Variants in EIF2S3 observed in about 807,000 individuals in gnomAD.
EIF2S3 encodes the protein eukaryotic translation initiation factor 2 subunit gamma, also known as eukaryotic translation initiation factor 2 subunit 3.
EIF2S3 carries 2 observed loss-of-function variants against 31.7 expected under a neutral mutation model. The ratio of observed to expected loss-of-function variants is 0.06; its 90% confidence interval spans 0.03 to 0.20. The LOEUF (loss-of-function observed/expected upper bound fraction) is 0.20, where lower values mean the gene tolerates loss of function less well. Among genes scored for constraint, EIF2S3 ranks in the 10% least tolerant of loss-of-function variants. The pLI is 1.00. For missense variants in EIF2S3, 96 were observed against 359.3 expected, an observed-to-expected ratio of 0.27 and a Z score of 5.92; for synonymous variants, 120 against 126.7, an observed-to-expected ratio of 0.95 and a Z score of 0.36.
intron 4 of EIF2S3, 125 bp downstream of exon 4, chrX:24,057,879 G>T: frequency 1.2e-6 from 1 of 824,461 alleles, no homozygotes; most frequent in Non-Finnish European, 1.6e-6. Context: ...TTTTTCCATT[G>T]TTTATGTTTT....
chrX:24,071,872 G>GTTTT, intron 10 of EIF2S3, 145 bp downstream of exon 10: 2 of 523,672 alleles, frequency 3.8e-6, no homozygotes, highest in East Asian at 4.7e-5. Flanking sequence ...AAAATTGAGG[G>GTTTT]TTTTTTTTTT....
rs1430095823 is a variant in EIF2S3, at chrX:24,071,714, A to G, written c.1169A>G (p.Lys390Arg). The G allele has an allele frequency of 1.7e-6, 2 of 1,208,008 alleles. No individual in the cohort carries two copies. Among genetic ancestry groups the G allele is most frequent in the African/African-American group, 3.5e-5 (2 of 56,927 alleles). ...RLLGVRTEGDKKAAKVQKLSK... is the reference protein window; with the variant it reads ...RLLGVRTEGDRKAAKVQKLSK... Reference sequence around the variant, plus strand: ...CTAGGTGTACGCACTGAAGGAGACAAGAAAGCAGCAAAGGTAAATGCTTTT... The same window carrying G: ...CTAGGTGTACGCACTGAAGGAGACAGGAAAGCAGCAAAGGTAAATGCTTTT... The change falls in exon 10 of 12, where the codon AAG (lysine) becomes AGG (arginine). Residue 390 changes from lysine (K) to arginine (R), a missense_variant. Around this residue, in one of 5 missense-constraint regions of EIF2S3, gnomAD observed 10 missense variants for 118.9 expected, o/e 0.08. Coordinates refer to ENST00000253039, the MANE Select transcript of EIF2S3 (RefSeq NM_001415.4).
intron 9 of EIF2S3, among the ~76,000 whole-genome samples, chrX:24,071,075 T>C (rs1390387050): frequency 8.9e-6 from 1 of 111,891 alleles, no homozygotes; most frequent in Admixed American, 9.6e-5. Context: ...TATTTCTATT[T>C]GTCTAGATAA....
At chrX:24,072,921 G>A (rs1930694683) in intron 10 of EIF2S3, among the ~76,000 whole-genome samples, 170 bp from the exon 11 acceptor site, 6 of 111,762 alleles carry the variant, frequency 5.4e-5, no homozygotes, top group Admixed American at 9.5e-5. Flanking sequence ...AATTCAGTGG[G>A]TGCCAAATAA....
chrX:24,058,666 G>C (rs1368224800), intron 4 of EIF2S3, among the ~76,000 whole-genome samples: 3 of 107,114 alleles, frequency 2.8e-5, no homozygotes, highest in Non-Finnish European at 5.8e-5. Context: ...CGAGTAGCTG[G>C]GATTACAGGC....
chrX:24,057,705 G>A lies in EIF2S3; in HGVS notation c.334G>A (p.Glu112Lys). The A allele has an allele frequency of 1.7e-6, 2 of 1,211,546 alleles. No homozygotes were observed. Among genetic ancestry groups the A allele is most frequent in the Non-Finnish European group, 2.2e-6 (2 of 895,317 alleles). ...YRSCGSSTPDEFPTDIPGTKG... is the reference protein window; with the variant it reads ...YRSCGSSTPDKFPTDIPGTKG... ...ATCTTGTGGGAGCAGTACACCTGAC[G>A]AGTTTCCTACGGACATTCCAGGGAC... The change falls in exon 4 of 12, where the codon GAG becomes AAG. Residue 112 changes from glutamate to lysine, a missense_variant. Around this residue, in one of 5 missense-constraint regions of EIF2S3, gnomAD observed 22 missense variants for 34.5 expected, o/e 0.64. Transcript: ENST00000253039.
chrX:24,075,596 AC>A (rs957424083), intron 11 of EIF2S3, among the ~76,000 whole-genome samples: 2 of 111,277 alleles, frequency 1.8e-5, no homozygotes, highest in Non-Finnish European at 3.8e-5. Flanking sequence ...GATATTTGGG[AC>A]TTTTCTAGAA....
At position 24,078,598 on chromosome X, in the gene EIF2S3, C is replaced by T. The variant is rs939316474; in HGVS notation, c.*1813C>T. Among the ~76,000 whole-genome samples the T allele has an allele frequency of 9.0e-6, 1 of 111,715 alleles. No individual in the cohort carries two copies. Among genetic ancestry groups the T allele is most frequent in the Non-Finnish European group, 1.9e-5 (1 of 53,187 alleles). Reference sequence around the variant, plus strand: ...TTTGGTAGACTGATAATACAATTTGCTTTGCTTTTCTTAAATTTGCATTGA... The same window carrying T: ...TTTGGTAGACTGATAATACAATTTGTTTTGCTTTTCTTAAATTTGCATTGA... On this transcript the variant is annotated 3_prime_UTR_variant, in exon 12 of 12. Transcript: ENST00000253039.
At chrX:24,055,256 T>A (rs1466699373) in intron 1 of EIF2S3, among the ~76,000 whole-genome samples, 3 of 111,589 alleles carry the variant, frequency 2.7e-5, no homozygotes, top group Non-Finnish European at 5.7e-5. Flanking sequence ...ACTTCTAGCT[T>A]CTGGAGGGTT....
At position 24,074,862 on chromosome X, in the gene EIF2S3, C is replaced by CTTTTTTTTTTTTTTT. The variant is rs758813480; in HGVS notation, c.1355+1606_1355+1620dup. ...GTACTCATCATTTTTTTTTCTTCTT[C>CTTTTTTTTTTTTTTT]TTTTTTTTTTTTTTTTTTTTTGAGA... On this transcript the variant is annotated intron_variant, in intron 11 of 11. Transcript: ENST00000253039. Among the ~76,000 whole-genome samples, 51 of 47,460 alleles carry CTTTTTTTTTTTTTTT rather than the reference C, an allele frequency of 1.1e-3. 2 individuals are homozygous for CTTTTTTTTTTTTTTT. Among genetic ancestry groups the CTTTTTTTTTTTTTTT allele is most frequent in the Admixed American group, 1.3e-3 (3 of 2,393 alleles). The allele number at this position is 47,460 out of a possible 115,157, so 41.2% of individuals were successfully genotyped here.
Position 24,064,681 on chromosome X carries a change from TAACTG to T in EIF2S3, c.772+347_772+351del. On this transcript the variant is annotated intron_variant, in intron 7 of 11. Transcript: ENST00000253039. ...TGTCTCTACTAAACATATAAAAAAT[TAACTG>T]GGCATGGTGGCGGGTGCCTGTAATC... is the stretch of plus-strand genomic sequence containing the variant. 2.7e-5 allele frequency among the ~76,000 whole-genome samples: 3 copies of T among 111,575 alleles called. 1 individual carries two copies. The highest frequency in any genetic ancestry group is 9.2e-3 in the Middle Eastern group (2 of 217).
intron 2 of EIF2S3, among the ~76,000 whole-genome samples, chrX:24,057,066 C>G (rs1443065803): frequency 5.3e-5 from 6 of 112,524 alleles, no homozygotes; most frequent in African/African-American, 1.9e-4. Flanking sequence ...GAGTCTCGCT[C>G]TGTTGCCAGG....
chrX:24,070,316 TCAA>T (rs2147130219), intron 9 of EIF2S3, among the ~76,000 whole-genome samples: 1 of 107,588 alleles, frequency 9.3e-6, no homozygotes, highest in East Asian at 3.0e-4. Flanking sequence ...AGACTGTGTC[TCAA>T]CAACAGCAGC....
At chrX:24,075,834 G>T (rs184931864) in intron 11 of EIF2S3, among the ~76,000 whole-genome samples, 67 of 110,965 alleles carry the variant, frequency 6.0e-4, no homozygotes, top group African/African-American at 2.1e-3. Flanking sequence ...TGTCTAAGTA[G>T]CTAGGACTAT....
At chrX:24,063,203 A>G (rs1930519252) in intron 6 of EIF2S3, among the ~76,000 whole-genome samples, 1 of 112,302 alleles carries the variant, frequency 8.9e-6, no homozygotes, top group Admixed American at 9.5e-5. Flanking sequence ...AGATCACGCC[A>G]TTGCACTCCA....
At position 24,060,223 on chromosome X, in the gene EIF2S3, C is replaced by T. The variant is rs202090871; in HGVS notation, c.478+41C>T. 8 of 1,082,997 alleles carry T rather than the reference C, an allele frequency of 7.4e-6. No homozygotes were observed. In the African/African-American group the frequency reaches 1.5e-4, roughly 20 times the overall value. 89.3% of individuals were successfully genotyped at this position (1,082,997 alleles called of 1,213,427 possible). A position where few individuals can be genotyped will look rare whatever the true frequency, so the allele number is the denominator to read the frequency against. ...TTGGTTTGGACAAATCAATGTGGAA[C>T]AAATCCAAGATGAAATATTTAAAGG... On this transcript the variant is annotated intron_variant, in intron 5 of 11. Transcript: ENST00000253039.
intron 9 of EIF2S3, among the ~76,000 whole-genome samples, chrX:24,068,646 G>C: frequency 9.0e-6 from 1 of 110,905 alleles, no homozygotes; most frequent in South Asian, 3.8e-4. Flanking sequence ...GGGTTTCACC[G>C]TGTTGCCCAG....
chrX:24,069,631 A>G (rs1490930117), intron 9 of EIF2S3, among the ~76,000 whole-genome samples: 1 of 107,427 alleles, frequency 9.3e-6, no homozygotes, highest in Non-Finnish European at 1.9e-5. Flanking sequence ...TGTGTGGTAA[A>G]CAAGGGAAAT....
chrX:24,074,283 C>T lies in EIF2S3; in HGVS notation c.1355+1020C>T, dbSNP rs1930716129. 2.7e-5 allele frequency among the ~76,000 whole-genome samples: 3 copies of T among 112,046 alleles called. No individual in the cohort carries two copies. In the South Asian group the frequency reaches 1.1e-3, roughly 41 times the overall value. ...CTCAATTTGGGTTTTTCTTATCATT[C>T]GGAAGCCTAACATTAGATTCAGTTA... On this transcript the variant is annotated intron_variant, in intron 11 of 11. Transcript: ENST00000253039.
Sources: allele counts gnomAD v4.1 joint callset (sites outside exome capture counted in the v4.1 genomes callset), GRCh38; gene constraint gnomAD v4.1.1; regional missense constraint gnomAD v4.1.1; transcripts MANE v1.5; gene names NCBI Gene and HGNC (gene_info 2026-07-23, HGNC 2026-07-21).